Variants in UTP18 observed in about 807,000 individuals in gnomAD.
The protein encoded by UTP18 is U3 small nucleolar RNA-associated protein 18 homolog.
Under a neutral mutation model 61.1 loss-of-function variants are expected in UTP18, and 36 were observed. The observed-to-expected ratio is 0.59, with a 90% CI of 0.45 to 0.78. UTP18 has a LOEUF of 0.78. UTP18 is among the 30% of genes least tolerant of loss of function. UTP18 has a pLI of 0.00. For missense variants in UTP18, 753 were observed against 693.9 expected (o/e 1.09, Z -0.96); for synonymous variants, 282 against 251.1 (o/e 1.12, Z -1.16).
At chr17:51,280,269 C>G in intron 8 of UTP18, 120 bp from the exon 9 acceptor site, 4 of 1,320,410 alleles carry the variant, frequency 3.0e-6, no homozygotes, top group Non-Finnish European at 4.2e-6. Context: ...CTTTTGATTA[C>G]AGGGAAAAAT....
At chr17:51,264,964 T>G (rs1250681955) in intron 2 of UTP18, among the ~76,000 whole-genome samples, 1 of 152,152 alleles carries the variant, frequency 6.6e-6, no homozygotes, top group Non-Finnish European at 1.5e-5. Flanking sequence ...GTTACAGACA[T>G]GAGCAACCAC....
At chr17:51,269,834 ATGTAT>A (rs1444312447) in intron 4 of UTP18, among the ~76,000 whole-genome samples, 5 of 124,906 alleles carry the variant, frequency 4.0e-5, no homozygotes, top group African/African-American at 1.1e-4. Flanking sequence ...ATATCAAATA[ATGTAT>A]TGTGTGTGTG....
chr17:51,264,430 T>C, intron 2 of UTP18, among the ~76,000 whole-genome samples: 1 of 152,196 alleles, frequency 6.6e-6, no homozygotes, highest in East Asian at 1.9e-4. Flanking sequence ...TTCTAATTTA[T>C]TGCCTTAAGA....
rs545101763 is a variant in UTP18, at chr17:51,265,602, T to C, written c.456-580T>C. Among the ~76,000 whole-genome samples the C allele has an allele frequency of 2.9e-3, 434 of 147,322 alleles. 5 individuals are homozygous for C. The highest frequency in any genetic ancestry group is 0.01 in the African/African-American group (399 of 39,156). ...TTTTTTTGAGACAGTCTCACTCTTT[T>C]GCCCAGGCTGGAGTACAGTGCCACA... On this transcript the variant is annotated intron_variant, in intron 2 of 13. Coordinates refer to ENST00000225298, the MANE Select transcript of UTP18 (RefSeq NM_016001.3).
chr17:51,262,517 A>G (rs2055517084), intron 1 of UTP18, among the ~76,000 whole-genome samples: 1 of 152,180 alleles, frequency 6.6e-6, no homozygotes, highest in Non-Finnish European at 1.5e-5. Context: ...GTGTAGCGGC[A>G]CCTATTAGTC....
Position 51,260,945 on chromosome 17 carries a change from C to T in UTP18, c.342+19C>T. ...CCCGAGGGTGAGGGAGGCCGCGGCG[C>T]GCGGGCTGGGCGCACTCGGGCGGGG... On this transcript the variant is annotated intron_variant, in intron 1 of 13. Coordinates refer to ENST00000225298, the MANE Select transcript of UTP18 (RefSeq NM_016001.3). 6.6e-7 allele frequency: 1 copy of T among 1,519,280 alleles called. No individual in the cohort carries two copies. Among genetic ancestry groups the T allele is most frequent in the Non-Finnish European group, 8.8e-7 (1 of 1,136,588 alleles). 94.1% of individuals were successfully genotyped at this position (1,519,280 alleles called of 1,614,324 possible).
At chr17:51,264,984 C>T (rs990514165) in intron 2 of UTP18, among the ~76,000 whole-genome samples, 19 of 152,094 alleles carry the variant, frequency 1.2e-4, no homozygotes, top group African/African-American at 3.9e-4. Context: ...CACCTGGCCT[C>T]GTTTCTTATA....
rs1227700509 is a variant in UTP18 at position 51,264,690 on chromosome 17, CT to C, written c.455+1318del. Among the ~76,000 whole-genome samples the C allele has an allele frequency of 6.7e-3, 953 of 141,618 alleles. 12 individuals are homozygous for C. The highest frequency in any genetic ancestry group is 0.023 in the African/African-American group (872 of 38,478). 92.9% of individuals were successfully genotyped at this position (141,618 alleles called of 152,430 possible). On this transcript the variant is annotated intron_variant, in intron 2 of 13. Coordinates refer to ENST00000225298, the MANE Select transcript of UTP18 (RefSeq NM_016001.3). The stretch of plus-strand genomic sequence containing the variant: ...TGTTTTTGTGTTTAGTCATTGTCTT[CT>C]TTTTTTTTTTTTTGAGACTCTCATC...
chr17:51,268,306 G>A (rs968548624), intron 3 of UTP18, among the ~76,000 whole-genome samples: 4 of 152,188 alleles, frequency 2.6e-5, no homozygotes, highest in Admixed American at 6.5e-5. Context: ...GATTACAGGC[G>A]TGAGCCATGG....
In UTP18 at chr17:51,260,605, A is replaced by T. The variant is rs564040886; in HGVS notation, c.21A>T (p.Arg7Ser). The change falls in exon 1 of 14, where the codon AGA (arginine) becomes AGT (serine). Residue 7 changes from arginine (R) to serine (S), a missense_variant. Transcript: ENST00000225298. Reference sequence around the variant, plus strand: ...TAACGATGCCGCCGGAGCGGAGGAGACGAATGAAACTGGACCGGAGAACCG... The same window carrying T: ...TAACGATGCCGCCGGAGCGGAGGAGTCGAATGAAACTGGACCGGAGAACCG... MPPERR[R>S]RMKLDRRTGA... 5 of 1,612,452 alleles carry T rather than the reference A, an allele frequency of 3.1e-6. No homozygotes were observed. In the African/African-American group the frequency reaches 5.3e-5, roughly 17 times the overall value.
At chr17:51,273,665 G>A (rs895542008) in intron 5 of UTP18, among the ~76,000 whole-genome samples, 4 of 151,022 alleles carry the variant, frequency 2.6e-5, no homozygotes, top group Non-Finnish European at 5.9e-5. Context: ...GAGCTCAGGA[G>A]TTTGAAGCTA....
chr17:51,263,297 T>C lies in UTP18; in HGVS notation c.366T>C (p.Gly122=). ...GPRVQEHEDS[G]DSEVENEAKG... ...AGGTTCAAGAACATGAAGACTCGGG[T>C]GACTCAGAAGTGGAGAATGAAGCAA... is the stretch of plus-strand genomic sequence containing the variant. Residue 122 remains glycine, a synonymous_variant, in exon 2 of 14, where the codon GGT becomes GGC. Transcript: ENST00000225298. 1 of 1,614,186 alleles carries C rather than the reference T, an allele frequency of 6.2e-7. No homozygotes were observed. Among genetic ancestry groups the C allele is most frequent in the Non-Finnish European group, 8.5e-7 (1 of 1,180,024 alleles).
In UTP18 at chr17:51,296,997, A is replaced by G. The variant is rs371809988; in HGVS notation, c.*8A>G. 1.9e-6 allele frequency: 3 copies of G among 1,604,270 alleles called. No individual in the cohort carries two copies. The highest frequency in any genetic ancestry group is 1.7e-5 in the Admixed American group (1 of 58,370). ...CATTACTCAGACTTCTAAAGAGACT[A>G]TTTGAAGTAAGAAAACCCTTTTCTT... On this transcript the variant is annotated 3_prime_UTR_variant, in exon 13 of 14. Coordinates refer to ENST00000225298, the MANE Select transcript of UTP18 (RefSeq NM_016001.3).
At chr17:51,270,225 C>G (rs1472037428) in intron 4 of UTP18, among the ~76,000 whole-genome samples, 1 of 152,110 alleles carries the variant, frequency 6.6e-6, no homozygotes, top group Non-Finnish European at 1.5e-5. Flanking sequence ...AATGTATGTC[C>G]CAACAAGTCT....
chr17:51,275,469 A>G (rs143913231), intron 5 of UTP18, among the ~76,000 whole-genome samples: 193 of 152,318 alleles, frequency 1.3e-3, no homozygotes, highest in African/African-American at 4.3e-3. Flanking sequence ...CATGAATGCA[A>G]AGATGCCAGG....
rs370008750 is a variant in UTP18, at chr17:51,286,983, C to CT, written c.1329-1046_1329-1045insT. 3.8e-4 allele frequency among the ~76,000 whole-genome samples: 42 copies of CT among 110,136 alleles called. 1 individual carries two copies. The South Asian group carries it at 0.01, about 26-fold the overall frequency. 72.3% of individuals were successfully genotyped at this position (110,136 alleles called of 152,430 possible). ...CTAATGCTATCCCTCCCCCTTCCCC[C>CT]CCCGACCCACAGGCCCCGGTATGTG... is the stretch of plus-strand genomic sequence containing the variant. On this transcript the variant is annotated intron_variant, in intron 10 of 13. Transcript: ENST00000225298.
chr17:51,275,214 A>T (rs1598478496), intron 5 of UTP18, among the ~76,000 whole-genome samples: 1 of 132,080 alleles, frequency 7.6e-6, no homozygotes, highest in South Asian at 2.6e-4. Context: ...AAAAAAAAAA[A>T]GTTGTAGTTA....
At chr17:51,292,940 A>G (rs1202705808) in intron 11 of UTP18, among the ~76,000 whole-genome samples, 1 of 152,240 alleles carries the variant, frequency 6.6e-6, no homozygotes, top group Admixed American at 6.5e-5. Context: ...GTAAAAGGCA[A>G]AGTGTATATA....
intron 5 of UTP18, 148 bp downstream of exon 5, chr17:51,273,598 G>GTT (rs36097713): frequency 0.033 from 13,146 of 395,816 alleles, no homozygotes; most frequent in East Asian, 0.063. Context: ...TTATGTTATT[G>GTT]TTTTTTTTTT....
Sources: allele counts gnomAD v4.1 joint callset (sites outside exome capture counted in the v4.1 genomes callset), GRCh38; gene constraint gnomAD v4.1.1; transcripts MANE v1.5; gene names NCBI Gene and HGNC (gene_info 2026-07-23, HGNC 2026-07-21).